GPHN: variants seen among roughly 807,000 people sequenced by gnomAD.
GPHN encodes gephyrin.
Under a neutral mutation model 95.5 loss-of-function variants are expected in GPHN, and 17 were observed. That is an observed-to-expected ratio of 0.18 (90% CI 0.12 to 0.27). GPHN has a LOEUF of 0.27. Ranked by LOEUF, GPHN falls within the 10% of genes least tolerant of loss-of-function variation. The probability of loss-of-function intolerance (pLI) is 1.00; values close to 1 mark genes in which losing one functional copy is unlikely to be tolerated. For missense variants in GPHN, 660 were observed against 978.1 expected, an observed-to-expected ratio of 0.67 and a Z score of 4.34; for synonymous variants, 320 against 322.5, an observed-to-expected ratio of 0.99 and a Z score of 0.08.
chr14:67,420,758 CT>C, the GPHN span, among the ~76,000 whole-genome samples: 1 of 152,256 alleles, frequency 6.6e-6, no homozygotes, highest in Non-Finnish European at 1.5e-5. Flanking sequence ...AGTTGGGGCC[CT>C]TAGAAACTCA....
chr14:67,290,868 A>G, the GPHN span, among the ~76,000 whole-genome samples: 3 of 152,198 alleles, frequency 2.0e-5, no homozygotes, highest in South Asian at 4.1e-4. Flanking sequence ...TACTAGAATC[A>G]TTGGTTATTT....
the GPHN span, among the ~76,000 whole-genome samples, chr14:67,663,614 C>T: frequency 6.6e-6 from 1 of 152,134 alleles, no homozygotes; most frequent in Non-Finnish European, 1.5e-5. Context: ...GCGGAGCTTG[C>T]AGTGAGCCAA....
intron 1 of GPHN, among the ~76,000 whole-genome samples, chr14:66,659,132 A>G (rs2065481021): frequency 1.3e-5 from 2 of 149,888 alleles, no homozygotes; most frequent in African/African-American, 4.9e-5. Flanking sequence ...GATATATCTT[A>G]TTTTCATATT....
At chr14:66,592,023 C>T (rs1048060342) in intron 1 of GPHN, among the ~76,000 whole-genome samples, 3 of 152,212 alleles carry the variant, frequency 2.0e-5, no homozygotes, top group Non-Finnish European at 4.4e-5. Context: ...GCCATCTTAT[C>T]TTTGGCAAAC....
At chr14:67,446,915 G>A in the GPHN span, among the ~76,000 whole-genome samples, 1 of 152,052 alleles carries the variant, frequency 6.6e-6, no homozygotes, top group Admixed American at 6.6e-5. Flanking sequence ...TTGTTTGTAG[G>A]CTCTCTATGG....
At chr14:67,225,933 GTGTGT>G in the GPHN span, among the ~76,000 whole-genome samples, 1 of 124,206 alleles carries the variant, frequency 8.1e-6, no homozygotes, top group African/African-American at 3.9e-5. Flanking sequence ...GTGAGTGTGT[GTGTGT>G]GTGTGTGTGT....
intron 2 of GPHN, among the ~76,000 whole-genome samples, chr14:66,686,502 C>A (rs1333854284): frequency 6.6e-6 from 1 of 152,134 alleles, no homozygotes; most frequent in African/African-American, 2.4e-5. Context: ...ATTTTATTCT[C>A]TTTGTAGCAA....
chr14:67,519,531 G>A, the GPHN span, among the ~76,000 whole-genome samples: 4 of 152,094 alleles, frequency 2.6e-5, no homozygotes, highest in African/African-American at 9.7e-5. Flanking sequence ...GGGTCCATCC[G>A]GATACTCTGG....
At chr14:67,120,662 C>G (rs1369193862) in intron 16 of GPHN, among the ~76,000 whole-genome samples, 2 of 152,128 alleles carry the variant, frequency 1.3e-5, no homozygotes, top group African/African-American at 4.8e-5. Context: ...TCTAAAGCAA[C>G]TAGTTTGATT....
At chr14:67,255,443 G>C in the GPHN span, among the ~76,000 whole-genome samples, 1 of 151,998 alleles carries the variant, frequency 6.6e-6, no homozygotes, top group East Asian at 1.9e-4. Context: ...TATTCCTTTG[G>C]TAAACTGCTT....
At chr14:67,511,475 A>T in the GPHN span, among the ~76,000 whole-genome samples, 2 of 152,220 alleles carry the variant, frequency 1.3e-5, no homozygotes, top group African/African-American at 4.8e-5. Context: ...TGTCTCTTCT[A>T]TAATACCAGC....
chr14:67,274,769 C>T, the GPHN span, among the ~76,000 whole-genome samples: 1 of 152,172 alleles, frequency 6.6e-6, no homozygotes, highest in Non-Finnish European at 1.5e-5. Context: ...GAATGTTCTT[C>T]CATTTGTTTG....
intron 2 of GPHN, among the ~76,000 whole-genome samples, chr14:66,711,065 G>T (rs1420014006): frequency 6.6e-6 from 1 of 151,996 alleles, no homozygotes; most frequent in Non-Finnish European, 1.5e-5. Context: ...TTTTTCCATA[G>T]GTTATTGGGG....
the GPHN span, chr14:67,292,602 T>A: frequency 1.2e-6 from 2 of 1,613,678 alleles, no homozygotes; most frequent in Non-Finnish European, 1.7e-6. Flanking sequence ...TTTTACAACT[T>A]GTTCAAAATA....
chr14:67,532,888 G>T, the GPHN span, among the ~76,000 whole-genome samples: 1 of 151,170 alleles, frequency 6.6e-6, no homozygotes, highest in Non-Finnish European at 1.5e-5. Flanking sequence ...GCCCGCGAGG[G>T]TCCCCCGCTA....
the GPHN span, among the ~76,000 whole-genome samples, chr14:67,332,244 T>C: frequency 2.0e-5 from 3 of 152,198 alleles, no homozygotes; most frequent in African/African-American, 7.2e-5. Flanking sequence ...AATGGCCCTT[T>C]CCTTCAGTCA....
chr14:67,262,185 G>T, the GPHN span, among the ~76,000 whole-genome samples: 3 of 151,998 alleles, frequency 2.0e-5, no homozygotes, highest in African/African-American at 7.2e-5. Context: ...GGAATCAGCT[G>T]TAAAAATAAA....
chr14:67,098,584 C>A (rs1419507012), intron 12 of GPHN, among the ~76,000 whole-genome samples: 1 of 151,878 alleles, frequency 6.6e-6, no homozygotes, highest in African/African-American at 2.4e-5. Context: ...CCGAGGCAGG[C>A]GGATCACCTG....
chr14:67,412,125 C>G, the GPHN span: 1 of 1,331,844 alleles, frequency 7.5e-7, no homozygotes, highest in Non-Finnish European at 9.8e-7. Context: ...CCTCGGCACC[C>G]GCGCAGCCCG....
Sources: gnomAD v4.1 joint callset for allele counts (sites outside exome capture counted in the v4.1 genomes callset) on GRCh38, gnomAD v4.1.1 for gene constraint, MANE v1.5 for transcripts, NCBI Gene and HGNC (gene_info 2026-07-23, HGNC 2026-07-21) for gene names.